The following PLPPR5 variants were observed in gnomAD, a reference collection of about 807,000 sequenced individuals.
The protein encoded by PLPPR5 is phospholipid phosphatase related 5, also known as phospholipid phosphatase-related protein type 5.
In PLPPR5, 16 loss-of-function variants were observed where a neutral mutation model predicts 33.9. The ratio of observed to expected loss-of-function variants is 0.47; its 90% CI spans 0.32 to 0.72. PLPPR5 has a LOEUF of 0.72. Among genes scored for constraint, PLPPR5 ranks in the 30% least tolerant of loss-of-function variants. The pLI, the probability that PLPPR5 is intolerant of heterozygous loss-of-function variation, is 0.03. For missense variants in PLPPR5, 301 were observed against 406.7 expected (o/e 0.74, Z 2.23); for synonymous variants, 163 against 150.3 (o/e 1.08, Z -0.62).
rs1648267059 is a variant in PLPPR5, at chr1:98,891,353, C to T, written c.*1719G>A. 1 of 152,008 alleles carries T rather than the reference C, an allele frequency of 6.6e-6. No individual in the cohort carries two copies. Among genetic ancestry groups the T allele is most frequent in the East Asian group, 1.9e-4 (1 of 5,184 alleles). The allele number at this position is 152,008 out of a possible 1,614,324, so 9.4% of individuals were successfully genotyped here. On this transcript the variant is annotated 3_prime_UTR_variant, in exon 6 of 6. Coordinates refer to ENST00000263177, the MANE Select transcript of PLPPR5 (RefSeq NM_001037317.2). ...TATTTGCTGATCTCTGTTGAAATTA[C>T]AGAGGAAATTAAAAGTTTGCTTTCT... is the stretch of plus-strand genomic sequence containing the variant.
At chr1:98,994,434 T>C (rs902908986) in intron 1 of PLPPR5, among the ~76,000 whole-genome samples, 3 of 152,062 alleles carry the variant, frequency 2.0e-5, no homozygotes, top group Non-Finnish European at 4.4e-5. Flanking sequence ...GACTAGCAAA[T>C]GTAATTGTGG....
intron 2 of PLPPR5, among the ~76,000 whole-genome samples, chr1:98,954,251 C>T (rs551370363): frequency 1.3e-5 from 2 of 152,154 alleles, no homozygotes; most frequent in South Asian, 4.1e-4. Context: ...AAACTTAGAG[C>T]TACAATCTTC....
intron 1 of PLPPR5, among the ~76,000 whole-genome samples, chr1:99,002,509 C>T (rs1240089286): frequency 6.6e-6 from 1 of 151,950 alleles, no homozygotes; most frequent in Non-Finnish European, 1.5e-5. Context: ...ACCTCACTTT[C>T]TTCAAATATT....
intron 3 of PLPPR5, among the ~76,000 whole-genome samples, chr1:98,928,240 G>A (rs896410280): frequency 1.3e-5 from 2 of 151,778 alleles, no homozygotes; most frequent in Non-Finnish European, 2.9e-5. Context: ...TAGATTATTA[G>A]AAAATGTTAA....
rs139559870 is a variant in PLPPR5, at chr1:98,934,174, C to A, written c.622-12116G>T. Among the ~76,000 whole-genome samples, 12 of 152,238 alleles carry A rather than the reference C, an allele frequency of 7.9e-5. No individual in the cohort carries two copies. In the East Asian group the frequency reaches 1.9e-3, roughly 25 times the overall value. On this transcript the variant is annotated intron_variant, in intron 3 of 5. Coordinates refer to ENST00000263177, the MANE Select transcript of PLPPR5 (RefSeq NM_001037317.2). ...GACAGAGGATAAATTATTTCACAGG[C>A]TTTTTCTCCCAACTCTTGCTTTTCT...
intron 3 of PLPPR5, among the ~76,000 whole-genome samples, chr1:98,948,593 AG>A (rs1396304808): frequency 6.6e-6 from 1 of 152,148 alleles, no homozygotes; most frequent in Non-Finnish European, 1.5e-5. Flanking sequence ...ACAGTGACAG[AG>A]ATGTGTAACA....
intron 3 of PLPPR5, among the ~76,000 whole-genome samples, chr1:98,930,900 T>C (rs1649942525): frequency 6.6e-6 from 1 of 152,056 alleles, no homozygotes; most frequent in African/African-American, 2.4e-5. Context: ...CTTCCAACTC[T>C]CACTTTACAC....
chr1:98,918,474 G>T (rs934468006), intron 4 of PLPPR5, among the ~76,000 whole-genome samples: 2 of 152,126 alleles, frequency 1.3e-5, no homozygotes, highest in African/African-American at 4.8e-5. Flanking sequence ...TAAAAATAGT[G>T]TTCAAATAGT....
In PLPPR5 at chr1:99,004,711, G is replaced by C; in HGVS notation, c.-40C>G. 2 of 1,385,106 alleles carry C rather than the reference G, an allele frequency of 1.4e-6. No individual in the cohort carries two copies. The highest frequency in any genetic ancestry group is 1.9e-6 in the Non-Finnish European group (2 of 1,048,652). 85.8% of individuals were successfully genotyped at this position (1,385,106 alleles called of 1,614,324 possible). A position where few individuals can be genotyped will look rare whatever the true frequency, so the allele number is the denominator to read the frequency against. On this transcript the variant is annotated 5_prime_UTR_variant, in exon 1 of 6. Transcript: ENST00000263177. Reference sequence around the variant, plus strand: ...CCGGGCCGAGCCGAGCCGAGCGGGCGGTCGACGCGGTGGGCCCCCTCCCCG... The same window carrying C: ...CCGGGCCGAGCCGAGCCGAGCGGGCCGTCGACGCGGTGGGCCCCCTCCCCG...
At chr1:98,946,641 G>T (rs1468720135) in intron 3 of PLPPR5, among the ~76,000 whole-genome samples, 1 of 152,164 alleles carries the variant, frequency 6.6e-6, no homozygotes, top group South Asian at 2.1e-4. Context: ...AGCACTTCCC[G>T]TGATGCTTGC....
At chr1:98,901,386 G>A (rs1648688701) in intron 5 of PLPPR5, among the ~76,000 whole-genome samples, 2 of 152,084 alleles carry the variant, frequency 1.3e-5, no homozygotes, top group African/African-American at 2.4e-5. Context: ...TTTCATGAAA[G>A]TATGCATTCA....
chr1:98,901,682 G>A (rs1648698899), intron 5 of PLPPR5, among the ~76,000 whole-genome samples: 1 of 151,988 alleles, frequency 6.6e-6, no homozygotes, highest in Non-Finnish European at 1.5e-5. Flanking sequence ...AAGTTATGAA[G>A]AACAATGTTC....
At chr1:98,910,959 C>T (rs546745648) in intron 5 of PLPPR5, among the ~76,000 whole-genome samples, 6 of 151,158 alleles carry the variant, frequency 4.0e-5, no homozygotes, top group African/African-American at 1.5e-4. Flanking sequence ...ATTCAAAGAC[C>T]TGCTGTGTAT....
At chr1:98,962,854 G>A (rs951008793) in intron 1 of PLPPR5, among the ~76,000 whole-genome samples, 1 of 152,128 alleles carries the variant, frequency 6.6e-6, no homozygotes, top group Admixed American at 6.6e-5. Context: ...TTTGTAGAGA[G>A]ATCAGGTCTT....
intron 1 of PLPPR5, among the ~76,000 whole-genome samples, chr1:98,975,466 C>G (rs960460792): frequency 1.3e-5 from 2 of 152,018 alleles, no homozygotes; most frequent in African/African-American, 4.8e-5. Context: ...ACAGATGAAG[C>G]CTTTTGAGGT....
At chr1:99,004,369 C>T (rs907265190) in intron 1 of PLPPR5, 66 bp downstream of exon 1, 45 of 1,401,602 alleles carry the variant, frequency 3.2e-5, no homozygotes, top group Admixed American at 4.3e-5. Context: ...TTAGAGGGGC[C>T]TCAACCCCGA....
intron 1 of PLPPR5, among the ~76,000 whole-genome samples, chr1:98,957,191 T>G (rs1391687062): frequency 7.7e-5 from 8 of 104,266 alleles, no homozygotes; most frequent in Non-Finnish European, 9.7e-5. Context: ...TGTTGTGGGG[T>G]TGGGGGAGGG....
intron 3 of PLPPR5, among the ~76,000 whole-genome samples, chr1:98,952,240 G>A (rs1650811794): frequency 6.9e-6 from 1 of 144,662 alleles, no homozygotes; most frequent in African/African-American, 2.6e-5. Context: ...TCCAGCCTGG[G>A]TGACAGAGCG....
chr1:98,957,406 C>G (rs1039892174), intron 1 of PLPPR5, among the ~76,000 whole-genome samples: 40 of 151,448 alleles, frequency 2.6e-4, no homozygotes, highest in African/African-American at 8.5e-4. Flanking sequence ...TCCTAAAAGT[C>G]TTAATTAAAA....
Sources: allele counts gnomAD v4.1 joint callset (sites outside exome capture counted in the v4.1 genomes callset), GRCh38; gene constraint gnomAD v4.1.1; transcripts MANE v1.5; gene names NCBI Gene and HGNC (gene_info 2026-07-23, HGNC 2026-07-21).